SORCS2: variants seen among roughly 807,000 people sequenced by gnomAD.
The protein encoded by SORCS2 is sortilin related VPS10 domain containing receptor 2, also known as VPS10 domain-containing receptor SorCS2.
A neutral mutation model predicts 141.6 loss-of-function variants in SORCS2; 100 were observed. The ratio of observed to expected loss-of-function variants is 0.71; its 90% confidence interval spans 0.60 to 0.83. The LOEUF is 0.83. Among genes scored for constraint, SORCS2 ranks in the 40% least tolerant of loss-of-function variants. The pLI is 0.00. For synonymous variants in SORCS2, 789 were observed against 676.9 expected (o/e 1.17, Z -2.57); for missense variants, 1,646 against 1,560.2 (o/e 1.05, Z -0.93).
intron 2 of SORCS2, among the ~76,000 whole-genome samples, chr4:7,446,479 C>G (rs756151442): frequency 2.6e-5 from 4 of 152,192 alleles, no homozygotes; most frequent in South Asian, 2.1e-4. Context: ...GGGGTACAAG[C>G]TGGGGTGCTG....
intron 18 of SORCS2, among the ~76,000 whole-genome samples, chr4:7,718,993 G>T (rs1472513424): frequency 6.6e-6 from 1 of 152,232 alleles, no homozygotes; most frequent in Non-Finnish European, 1.5e-5. Flanking sequence ...AAGCATTGCA[G>T]AAAATTCGAG....
At position 7,396,428 on chromosome 4, in the gene SORCS2, C is replaced by T. The variant is rs1012788345; in HGVS notation, c.548+73C>T. 6.6e-6 allele frequency: 10 copies of T among 1,513,424 alleles called. No individual in the cohort carries two copies. In the African/African-American group the frequency reaches 6.9e-5, roughly 10 times the overall value. 93.7% of individuals were successfully genotyped at this position (1,513,424 alleles called of 1,614,324 possible). ...TCTTCCCAGGCTCTCAGCTGAGGAC[C>T]GAGATCCAAACACCTCACTGTGGCA... On this transcript the variant is annotated intron_variant, in intron 2 of 26. Transcript: ENST00000507866.
intron 8 of SORCS2, 64 bp downstream of exon 8, chr4:7,667,277 G>A: frequency 1.4e-6 from 2 of 1,457,290 alleles, no homozygotes; most frequent in Non-Finnish European, 1.9e-6. Context: ...GACTCATGGG[G>A]CAACAGGACT....
chr4:7,470,087 A>T (rs897041291), intron 2 of SORCS2, among the ~76,000 whole-genome samples: 3 of 152,182 alleles, frequency 2.0e-5, no homozygotes, highest in Admixed American at 6.5e-5. Context: ...AGCATTTTCT[A>T]ATAAATGAGG....
chr4:7,543,698 A>T (rs1281921223), intron 3 of SORCS2, among the ~76,000 whole-genome samples: 3 of 68,862 alleles, frequency 4.4e-5, no homozygotes, highest in Non-Finnish European at 7.0e-5. Flanking sequence ...CCATCCACCC[A>T]TCCATCCATC....
chr4:7,357,006 G>A (rs889455967), intron 1 of SORCS2, among the ~76,000 whole-genome samples: 8 of 152,054 alleles, frequency 5.3e-5, no homozygotes, highest in Admixed American at 4.6e-4. Context: ...GAGCAGAGGA[G>A]CCTCACTGTA....
At chr4:7,676,857 CCTCCTT>C (rs1290153251) in intron 9 of SORCS2, among the ~76,000 whole-genome samples, 1 of 112,626 alleles carries the variant, frequency 8.9e-6, no homozygotes, top group Non-Finnish European at 1.9e-5. Flanking sequence ...CCTGTCATCT[CCTCCTT>C]CCTCTCCCTC....
intron 2 of SORCS2, among the ~76,000 whole-genome samples, chr4:7,492,821 G>A (rs1189473756): frequency 6.6e-6 from 1 of 152,186 alleles, no homozygotes; most frequent in Non-Finnish European, 1.5e-5. Flanking sequence ...CACCAGGGAG[G>A]AAGAAGGTAC....
intron 1 of SORCS2, among the ~76,000 whole-genome samples, chr4:7,199,680 G>A (rs567809237): frequency 3.3e-5 from 5 of 152,072 alleles, no homozygotes; most frequent in East Asian, 3.9e-4. Context: ...TGGGTGGGGC[G>A]GGCCATTCTG....
intron 4 of SORCS2, among the ~76,000 whole-genome samples, chr4:7,642,589 T>C (rs1170535044): frequency 6.6e-6 from 1 of 152,206 alleles, no homozygotes; most frequent in African/African-American, 2.4e-5. Context: ...CAGGGTGGTG[T>C]GGTGGAACAA....
At chr4:7,626,018 C>G (rs1013554592) in intron 3 of SORCS2, among the ~76,000 whole-genome samples, 1 of 151,896 alleles carries the variant, frequency 6.6e-6, no homozygotes, top group Non-Finnish European at 1.5e-5. Flanking sequence ...GGTACACACG[C>G]GCCTGTGGTT....
intron 1 of SORCS2, among the ~76,000 whole-genome samples, chr4:7,335,796 A>G (rs1372615811): frequency 2.6e-5 from 4 of 152,170 alleles, no homozygotes; most frequent in Non-Finnish European, 4.4e-5. Context: ...TGGCGACTGG[A>G]ACAGGCCCAA....
intron 1 of SORCS2, among the ~76,000 whole-genome samples, chr4:7,393,167 TC>T (rs1267805360): frequency 6.6e-6 from 1 of 152,148 alleles, no homozygotes. Flanking sequence ...CAGTAGCTCT[TC>T]TTTCCTCGTC....
intron 2 of SORCS2, among the ~76,000 whole-genome samples, chr4:7,417,514 C>A (rs1373949029): frequency 1.3e-5 from 2 of 152,184 alleles, no homozygotes; most frequent in Non-Finnish European, 2.9e-5. Context: ...CTGGAAGTCT[C>A]AGCTCTGCCA....
intron 19 of SORCS2, among the ~76,000 whole-genome samples, chr4:7,724,590 G>A (rs1391863206): frequency 4.3e-5 from 3 of 69,516 alleles, no homozygotes; most frequent in African/African-American, 1.3e-4. Flanking sequence ...TGGTGGTGGT[G>A]TTGGTGATGG....
chr4:7,722,051 G>A (rs931931899), intron 18 of SORCS2, among the ~76,000 whole-genome samples: 1 of 152,068 alleles, frequency 6.6e-6, no homozygotes, highest in African/African-American at 2.4e-5. Context: ...CTACTTTTGT[G>A]GTCAGGAGAA....
At chr4:7,719,735 A>G (rs1726451852) in intron 18 of SORCS2, among the ~76,000 whole-genome samples, 2 of 152,120 alleles carry the variant, frequency 1.3e-5, no homozygotes, top group South Asian at 4.1e-4. Flanking sequence ...CTTCCAGGAA[A>G]AAAATGGCCC....
intron 1 of SORCS2, among the ~76,000 whole-genome samples, chr4:7,358,050 A>G (rs554877709): frequency 2.6e-5 from 4 of 152,202 alleles, no homozygotes; most frequent in Non-Finnish European, 5.9e-5. Flanking sequence ...GCGCTGGCTC[A>G]AGTTTCTAAG....
At chr4:7,695,690 GGATT>G (rs1424077829) in intron 11 of SORCS2, among the ~76,000 whole-genome samples, 1 of 41,072 alleles carries the variant, frequency 2.4e-5, no homozygotes, top group Non-Finnish European at 5.3e-5. Context: ...ATGGATGGGT[GGATT>G]GGTGGGTGGG....
Sources: gnomAD v4.1 joint callset for allele counts (sites outside exome capture counted in the v4.1 genomes callset) on GRCh38, gnomAD v4.1.1 for gene constraint, MANE v1.5 for transcripts, NCBI Gene and HGNC (gene_info 2026-07-23, HGNC 2026-07-21) for gene names.